CNGA3: variants seen among roughly 807,000 people sequenced by gnomAD.
CNGA3 encodes the protein cyclic nucleotide gated channel subunit alpha 3.
CNGA3 carries 42 observed loss-of-function variants against 46.6 expected under a neutral mutation model. The ratio of observed to expected loss-of-function variants is 0.90; its 90% confidence interval spans 0.70 to 1.17. CNGA3 has a LOEUF of 1.17. CNGA3 is among the 50% of genes most tolerant of loss of function. The pLI, the probability that CNGA3 is intolerant of heterozygous loss-of-function variation, is 0.00. For missense variants in CNGA3, 893 were observed against 890.7 expected (o/e 1.00, Z -0.03); for synonymous variants, 394 against 369.4 (o/e 1.07, Z -0.76).
chr2:98,381,696 C>T (rs923296387), intron 4 of CNGA3, among the ~76,000 whole-genome samples: 1 of 152,118 alleles, frequency 6.6e-6, no homozygotes, highest in Non-Finnish European at 1.5e-5. Flanking sequence ...AGTTTTCACA[C>T]GAGCTTGGAC....
intron 2 of CNGA3, among the ~76,000 whole-genome samples, chr2:98,371,577 C>A (rs1013230501): frequency 1.3e-5 from 2 of 152,118 alleles, no homozygotes; most frequent in African/African-American, 2.4e-5. Context: ...CATTTTAACT[C>A]GGTGCTGGGG....
Position 98,380,239 on chromosome 2 carries a change from G to A in CNGA3, c.280G>A (p.Gly94Arg). Residue 94 changes from glycine to arginine, a missense_variant, in exon 4 of 8, where the codon GGA (glycine) becomes AGA (arginine). By Grantham distance (125) the Gly-to-Arg change is moderately radical. This residue lies in a region of CNGA3 where 333 missense variants were observed against 290.8 expected (regional missense o/e 1.15). Coordinates refer to ENST00000272602, the MANE Select transcript of CNGA3 (RefSeq NM_001298.3). Reference sequence around the variant, plus strand: ...CAGGCATGTGCACCACCAGGACCAGGGACCGGACTCTTTTCCTGATCGTTT... The same window carrying A: ...CAGGCATGTGCACCACCAGGACCAGAGACCGGACTCTTTTCCTGATCGTTT... ...AARHVHHQDQ[G>R]PDSFPDRFRG... The A allele has an allele frequency of 6.2e-7, 1 of 1,614,232 alleles. No homozygotes were observed. Among genetic ancestry groups the A allele is most frequent in the Non-Finnish European group, 8.5e-7 (1 of 1,180,038 alleles).
At position 98,396,960 on chromosome 2, in the gene CNGA3, C is replaced by G; in HGVS notation, c.1790C>G (p.Ala597Gly). ...ACCGAGTACCCCGAAGCCAAGAAGGCCCTGGAGGAGAAAGGACGGCAGATC... is the reference window on the plus strand; with the variant it reads ...ACCGAGTACCCCGAAGCCAAGAAGGGCCTGGAGGAGAAAGGACGGCAGATC... ...ALTEYPEAKK[A>G]LEEKGRQILM... The change falls in exon 8 of 8, where the codon GCC becomes GGC. Residue 597 changes from alanine (A) to glycine (G), a missense_variant. Ala to Gly is a moderately conservative substitution (Grantham distance 60). Transcript: ENST00000272602. 1 of 1,614,104 alleles carries G rather than the reference C, an allele frequency of 6.2e-7. No homozygotes were observed. The highest frequency in any genetic ancestry group is 8.5e-7 in the Non-Finnish European group (1 of 1,180,034).
chr2:98,361,065 G>A (rs998281640), intron 1 of CNGA3, among the ~76,000 whole-genome samples: 2 of 151,428 alleles, frequency 1.3e-5, no homozygotes, highest in Admixed American at 6.6e-5. Context: ...TGCGCAGGAC[G>A]TGCAGGTTTG....
chr2:98,351,671 C>T (rs144975150), intron 1 of CNGA3, among the ~76,000 whole-genome samples: 1,843 of 152,140 alleles, frequency 0.012, 33 homozygotes, highest in African/African-American at 0.042. Context: ...AGTTGATACA[C>T]GTAAAAAGTT....
At position 98,383,391 on chromosome 2, in the gene CNGA3, C is replaced by T. The variant is rs762360194; in HGVS notation, c.399C>T (p.Ala133=). ...SQEPADRGRS[A]WPLAKCNTNT... ...TGTTCTCTCTACCTTCCCGCAGCGC[C>T]TGGCCCCTGGCCAAATGCAACACTA... The change falls in exon 5 of 8, where the codon GCC becomes GCT. Residue 133 remains alanine (A), a synonymous_variant. Transcript: ENST00000272602. 4 of 1,614,118 alleles carry T rather than the reference C, an allele frequency of 2.5e-6. No homozygotes were observed. In the South Asian group the frequency reaches 3.3e-5, roughly 13 times the overall value.
chr2:98,367,168 T>TTTATTTTCTTTTC (rs1247670386), intron 1 of CNGA3, among the ~76,000 whole-genome samples: 1 of 113,406 alleles, frequency 8.8e-6, no homozygotes, highest in African/African-American at 3.1e-5. Flanking sequence ...ACATCAGCTG[T>TTTATTTTCTTTTC]TTTTTTTCTT....
At chr2:98,394,877 A>G (rs1049352583) in intron 7 of CNGA3, among the ~76,000 whole-genome samples, 1 of 152,218 alleles carries the variant, frequency 6.6e-6, no homozygotes, top group Non-Finnish European at 1.5e-5. Context: ...TGTAGTTTGC[A>G]TAATTTACTT....
At chr2:98,352,885 A>C (rs1166196742) in intron 1 of CNGA3, among the ~76,000 whole-genome samples, 1 of 152,154 alleles carries the variant, frequency 6.6e-6, no homozygotes, top group Non-Finnish European at 1.5e-5. Context: ...ATTCTTTATA[A>C]TAAATCATAT....
chr2:98,367,527 C>T (rs530021969), intron 1 of CNGA3, among the ~76,000 whole-genome samples: 2 of 152,142 alleles, frequency 1.3e-5, no homozygotes, highest in Admixed American at 1.3e-4. Context: ...CATCTTGGTC[C>T]CTCCCCGGAT....
At chr2:98,361,659 G>A (rs11681864) in intron 1 of CNGA3, among the ~76,000 whole-genome samples, 22,155 of 147,702 alleles carry the variant, frequency 0.15, 2,105 homozygotes, top group Non-Finnish European at 0.2. Flanking sequence ...GTGTAAAAGC[G>A]TTCCTGTTTC....
At chr2:98,361,102 G>A (rs545573206) in intron 1 of CNGA3, among the ~76,000 whole-genome samples, 1 of 152,130 alleles carries the variant, frequency 6.6e-6, no homozygotes, top group African/African-American at 2.4e-5. Context: ...GTGCCATGGT[G>A]GTTTGCTGCA....
At chr2:98,360,269 G>A (rs12467200) in intron 1 of CNGA3, among the ~76,000 whole-genome samples, 1 of 152,218 alleles carries the variant, frequency 6.6e-6, no homozygotes, top group East Asian at 1.9e-4. Context: ...GCACCTAGTG[G>A]CCCTCAACAG....
At chr2:98,361,308 G>C (rs927768321) in intron 1 of CNGA3, among the ~76,000 whole-genome samples, 8 of 152,142 alleles carry the variant, frequency 5.3e-5, no homozygotes, top group South Asian at 4.1e-4. Flanking sequence ...GAGTTAGTTT[G>C]CTGAGGATAA....
At chr2:98,362,429 C>T (rs1337183614) in intron 1 of CNGA3, among the ~76,000 whole-genome samples, 5 of 151,928 alleles carry the variant, frequency 3.3e-5, no homozygotes, top group Non-Finnish European at 7.4e-5. Flanking sequence ...GATCCACCTG[C>T]CTCGGCCTCC....
rs928139225 is a variant in CNGA3 at position 98,397,345 on chromosome 2, T to C, written c.*90T>C. 5.3e-6 allele frequency: 7 copies of C among 1,325,720 alleles called. No individual in the cohort carries two copies. Among genetic ancestry groups the C allele is most frequent in the African/African-American group, 1.4e-5 (1 of 69,216 alleles). 82.1% of individuals were successfully genotyped at this position (1,325,720 alleles called of 1,614,324 possible). ...TGTGTGGCATGGAACTTGGTCAGGGTTGAATTCCAGCTCTACTCACCCTTT... is the reference window on the plus strand; with the variant it reads ...TGTGTGGCATGGAACTTGGTCAGGGCTGAATTCCAGCTCTACTCACCCTTT... On this transcript the variant is annotated 3_prime_UTR_variant, in exon 8 of 8. Coordinates refer to ENST00000272602, the MANE Select transcript of CNGA3 (RefSeq NM_001298.3).
chr2:98,378,807 G>C (rs143221511), intron 3 of CNGA3, among the ~76,000 whole-genome samples: 1 of 152,208 alleles, frequency 6.6e-6, no homozygotes, highest in Non-Finnish European at 1.5e-5. Context: ...AGTGGGGCTC[G>C]CAGGAGGGGA....
At chr2:98,377,089 T>C (rs1392943589) in intron 2 of CNGA3, among the ~76,000 whole-genome samples, 2 of 152,174 alleles carry the variant, frequency 1.3e-5, no homozygotes, top group Admixed American at 6.5e-5. Context: ...GAAAGCACTG[T>C]ACAAATTATT....
At chr2:98,366,014 T>C (rs990417805) in intron 1 of CNGA3, among the ~76,000 whole-genome samples, 1 of 152,228 alleles carries the variant, frequency 6.6e-6, no homozygotes, top group African/African-American at 2.4e-5. Flanking sequence ...TTTGGCAGAT[T>C]CTTTCTCATC....
Sources: allele counts gnomAD v4.1 joint callset (sites outside exome capture counted in the v4.1 genomes callset), GRCh38; gene constraint gnomAD v4.1.1; regional missense constraint gnomAD v4.1.1; transcripts MANE v1.5; gene names NCBI Gene and HGNC (gene_info 2026-07-23, HGNC 2026-07-21).